Variants in MED17 observed in about 807,000 individuals in gnomAD.
MED17 encodes the protein mediator complex subunit 17.
Under a neutral mutation model 80.8 loss-of-function variants are expected in MED17, and 49 were observed. That is an observed-to-expected ratio of 0.61 (90% CI 0.48 to 0.77). The LOEUF is 0.77. MED17 is among the 30% of genes least tolerant of loss of function. The pLI is 0.00. For synonymous variants in MED17, 281 were observed against 280.4 expected (o/e 1.00, Z -0.02); for missense variants, 718 against 787.0 (o/e 0.91, Z 1.05).
chr11:93,813,442 G>A lies in MED17; in HGVS notation c.*1378G>A, dbSNP rs1263462318. The A allele has an allele frequency of 6.6e-6, 1 of 152,100 alleles. No homozygotes were observed. Among genetic ancestry groups the A allele is most frequent in the African/African-American group, 2.4e-5 (1 of 41,418 alleles). 9.4% of individuals were successfully genotyped at this position (152,100 alleles called of 1,614,324 possible). On this transcript the variant is annotated 3_prime_UTR_variant, in exon 12 of 12. Transcript: ENST00000251871. ...TTGCAGTTATTTAAAAATCTTGAGT[G>A]CTTCAAAAATTATTGTTGCCTGCAA...
intron 3 of MED17, among the ~76,000 whole-genome samples, 171 bp downstream of exon 3, chr11:93,790,964 C>T (rs1943829511): frequency 1.3e-5 from 2 of 152,148 alleles, no homozygotes; most frequent in South Asian, 4.1e-4. Context: ...AAAAATTAGC[C>T]AGGCGTGGTA....
chr11:93,793,678 G>T, intron 3 of MED17, 50 bp from the exon 4 acceptor site: 1 of 1,319,118 alleles, frequency 7.6e-7, no homozygotes. Flanking sequence ...ATGTGTGTCG[G>T]AATAATATGT....
At chr11:93,794,184 G>T in intron 5 of MED17, 149 bp downstream of exon 5, 17 of 544,804 alleles carry the variant, frequency 3.1e-5, no homozygotes, top group Non-Finnish European at 4.5e-5. Flanking sequence ...TAAACTATTA[G>T]TGAATAGCTG....
At chr11:93,793,411 C>A in intron 3 of MED17, 1 of 285,838 alleles carries the variant, frequency 3.5e-6, no homozygotes, top group Non-Finnish European at 6.7e-6. Context: ...GCCACCATGC[C>A]TGCCCTGTGA....
chr11:93,795,693 A>G (rs1943892226), intron 6 of MED17: 1 of 153,550 alleles, frequency 6.5e-6, no homozygotes, highest in Non-Finnish European at 1.4e-5. Context: ...TTTTTTACAT[A>G]AATTCTAAGG....
At chr11:93,805,400 T>C (rs1944012748) in intron 9 of MED17, among the ~76,000 whole-genome samples, 1 of 152,062 alleles carries the variant, frequency 6.6e-6, no homozygotes, top group South Asian at 2.1e-4. Context: ...CTGGCCAACA[T>C]GATGAAACCC....
intron 2 of MED17, chr11:93,788,932 G>C (rs967722692): frequency 6.6e-5 from 10 of 151,900 alleles, no homozygotes; most frequent in Non-Finnish European, 1.2e-4. Flanking sequence ...TTAAGGGATG[G>C]ATTAGAAAAG....
intron 9 of MED17, among the ~76,000 whole-genome samples, chr11:93,804,567 T>G (rs1944004739): frequency 6.6e-6 from 1 of 152,222 alleles, no homozygotes. Flanking sequence ...AGCATATATA[T>G]CCTACCTGTT....
chr11:93,794,281 C>T lies in MED17; in HGVS notation c.859+246C>T, dbSNP rs777952728. 5.8e-5 allele frequency: 22 copies of T among 379,802 alleles called. No individual in the cohort carries two copies. The East Asian group carries it at 7.7e-4, about 13-fold the overall frequency. 23.5% of individuals were successfully genotyped at this position (379,802 alleles called of 1,614,324 possible). On this transcript the variant is annotated intron_variant, in intron 5 of 11. Transcript: ENST00000251871. ...GTGCAATGGCGCAGTCTCGGCTCAC[C>T]GCAACGTCTACCTCCCAGGTTCAAG... is the stretch of plus-strand genomic sequence containing the variant.
At chr11:93,798,956 A>T (rs1362367863) in intron 8 of MED17, among the ~76,000 whole-genome samples, 1 of 152,170 alleles carries the variant, frequency 6.6e-6, no homozygotes, top group African/African-American at 2.4e-5. Flanking sequence ...AACCATTATA[A>T]ATTTCAGAGT....
In MED17 at chr11:93,784,555, C is replaced by T; in HGVS notation, c.42C>T (p.Ala14=). The T allele has an allele frequency of 6.2e-7, 1 of 1,612,646 alleles. No homozygotes were observed. The highest frequency in any genetic ancestry group is 2.2e-5 in the East Asian group (1 of 44,848). Reference sequence around the variant, plus strand: ...CAGTGCGGATCAGCATCGAATCGGCCTGCGAGAAGCAGGTCCATGAGGTGG... The same window carrying T: ...CAGTGCGGATCAGCATCGAATCGGCTTGCGAGAAGCAGGTCCATGAGGTGG... The part of the protein sequence containing the change: ...VRAVRISIES[A]CEKQVHEVGL... The change falls in exon 1 of 12, where the codon GCC becomes GCT. Residue 14 remains alanine (A), a synonymous_variant. Coordinates refer to ENST00000251871, the MANE Select transcript of MED17 (RefSeq NM_004268.5).
chr11:93,789,746 G>A (rs1489476991), intron 2 of MED17: 1 of 149,770 alleles, frequency 6.7e-6, no homozygotes, highest in Admixed American at 6.7e-5. Context: ...AAAGCAGGAA[G>A]CCAGGAGTTT....
chr11:93,803,669 T>A (rs1943985952), intron 9 of MED17, among the ~76,000 whole-genome samples: 2 of 152,114 alleles, frequency 1.3e-5, no homozygotes, highest in African/African-American at 4.8e-5. Flanking sequence ...TCCTACTGTT[T>A]GTGTTTAAAA....
At chr11:93,799,988 T>G (rs1335097807) in intron 8 of MED17, among the ~76,000 whole-genome samples, 1 of 152,204 alleles carries the variant, frequency 6.6e-6, no homozygotes, top group East Asian at 1.9e-4. Flanking sequence ...TAATATTGTA[T>G]TGTAAATTTT....
At chr11:93,810,128 A>G (rs1591392101) in intron 11 of MED17, 3 of 468,350 alleles carry the variant, frequency 6.4e-6, no homozygotes, top group South Asian at 2.1e-5. Context: ...TATCATCAGC[A>G]TTGTTACTCC....
At chr11:93,793,571 C>A in intron 3 of MED17, 157 bp from the exon 4 acceptor site, 1 of 584,744 alleles carries the variant, frequency 1.7e-6, no homozygotes, top group Non-Finnish European at 3.0e-6. Context: ...TTCCTTTGTT[C>A]ACCATTCCTC....
Position 93,813,455 on chromosome 11 carries a change from T to C in MED17, c.*1391T>C, listed in dbSNP as rs576760804. 2.0e-5 allele frequency: 3 copies of C among 152,312 alleles called. No individual in the cohort carries two copies. The highest frequency in any genetic ancestry group is 3.9e-4 in the East Asian group (2 of 5,188). 9.4% of individuals were successfully genotyped at this position (152,312 alleles called of 1,614,324 possible). A position where few individuals can be genotyped will look rare whatever the true frequency, so the allele number is the denominator to read the frequency against. On this transcript the variant is annotated 3_prime_UTR_variant, in exon 12 of 12. Coordinates refer to ENST00000251871, the MANE Select transcript of MED17 (RefSeq NM_004268.5). ...AAAATCTTGAGTGCTTCAAAAATTA[T>C]TGTTGCCTGCAAAATTTGCCTTGGT...
intron 6 of MED17, chr11:93,795,337 T>C (rs1943888384): frequency 2.2e-6 from 1 of 448,514 alleles, no homozygotes; most frequent in African/African-American, 2.0e-5. Context: ...TGCACTAGCA[T>C]AGCTATAGTT....
At chr11:93,800,513 C>G (rs1326485241) in intron 8 of MED17, 1 of 152,020 alleles carries the variant, frequency 6.6e-6, no homozygotes, top group Non-Finnish European at 1.5e-5. Flanking sequence ...CCTGTAGTCC[C>G]AGCTACTCGG....
Sources: gnomAD v4.1 joint callset for allele counts (sites outside exome capture counted in the v4.1 genomes callset) on GRCh38, gnomAD v4.1.1 for gene constraint, MANE v1.5 for transcripts, NCBI Gene and HGNC (gene_info 2026-07-23, HGNC 2026-07-21) for gene names.